MYO1D: variants seen among roughly 807,000 people sequenced by gnomAD.
MYO1D encodes myosin ID.
MYO1D carries 83 observed loss-of-function variants against 122.0 expected under a neutral mutation model. That is an observed-to-expected ratio of 0.68 (90% CI 0.57 to 0.82). The LOEUF (loss-of-function observed/expected upper bound fraction) is 0.82. Among genes scored for constraint, MYO1D ranks in the 40% least tolerant of loss-of-function variants. MYO1D has a pLI of 0.00. For missense variants in MYO1D, 1,157 were observed against 1,269.5 expected (o/e 0.91, Z 1.35); for synonymous variants, 464 against 446.9 (o/e 1.04, Z -0.48).
intron 16 of MYO1D, among the ~76,000 whole-genome samples, chr17:32,686,707 A>T (rs2089012710): frequency 6.6e-6 from 1 of 152,042 alleles, no homozygotes; most frequent in Non-Finnish European, 1.5e-5. Flanking sequence ...CTGTACAAAA[A>T]ATAAAAACAA....
chr17:32,514,239 C>CAAAAAAAAA (rs61570449), intron 21 of MYO1D, among the ~76,000 whole-genome samples: 2 of 60,284 alleles, frequency 3.3e-5, no homozygotes, highest in Non-Finnish European at 6.1e-5. Flanking sequence ...GACTTTGTCT[C>CAAAAAAAAA]AAAAAAAAAA....
intron 15 of MYO1D, among the ~76,000 whole-genome samples, chr17:32,713,213 GT>G (rs1037995446): frequency 7.2e-4 from 110 of 152,126 alleles, no homozygotes; most frequent in Non-Finnish European, 1.5e-3. Flanking sequence ...CATTTAGAGG[GT>G]TTTTTTGGTA....
At chr17:32,770,852 A>C (rs533170892) in intron 6 of MYO1D, among the ~76,000 whole-genome samples, 1 of 152,314 alleles carries the variant, frequency 6.6e-6, no homozygotes, top group East Asian at 1.9e-4. Context: ...TAAACGGAAT[A>C]GGGATAGGAT....
At chr17:32,850,222 C>G (rs1009635035) in intron 1 of MYO1D, among the ~76,000 whole-genome samples, 1 of 152,186 alleles carries the variant, frequency 6.6e-6, no homozygotes, top group Non-Finnish European at 1.5e-5. Flanking sequence ...AAACTGATGT[C>G]ACTCAAGACC....
chr17:32,740,410 C>T (rs1387049765), intron 13 of MYO1D, among the ~76,000 whole-genome samples: 1 of 152,138 alleles, frequency 6.6e-6, no homozygotes, highest in Non-Finnish European at 1.5e-5. Context: ...AGAATTGATA[C>T]AAAATGAATC....
intron 1 of MYO1D, among the ~76,000 whole-genome samples, chr17:32,871,176 C>T (rs1240012548): frequency 6.6e-6 from 1 of 152,136 alleles, no homozygotes; most frequent in Non-Finnish European, 1.5e-5. Flanking sequence ...GATAATATTG[C>T]ATGCATGTGA....
chr17:32,604,782 A>G (rs913866460), intron 21 of MYO1D, among the ~76,000 whole-genome samples: 1 of 152,258 alleles, frequency 6.6e-6, no homozygotes, highest in African/African-American at 2.4e-5. Context: ...CGAGAAGAAT[A>G]TAAAGTAATT....
chr17:32,561,688 C>CAA (rs60531756), intron 21 of MYO1D, among the ~76,000 whole-genome samples: 775 of 71,702 alleles, frequency 0.011, 10 homozygotes, highest in African/African-American at 0.04. Flanking sequence ...GGCTCTGTCT[C>CAA]AAAAAAAAAA....
intron 1 of MYO1D, among the ~76,000 whole-genome samples, chr17:32,851,970 C>T (rs2090993561): frequency 6.6e-6 from 1 of 152,172 alleles, no homozygotes; most frequent in African/African-American, 2.4e-5. Context: ...GCTGTTGTTT[C>T]CTTCTAGAAA....
intron 21 of MYO1D, chr17:32,602,794 A>G (rs1237715143): frequency 6.6e-6 from 1 of 152,248 alleles, no homozygotes; most frequent in African/African-American, 2.4e-5. Flanking sequence ...TTGGATTTCC[A>G]TAATTAACTC....
chr17:32,822,205 T>C (rs1299455371), intron 1 of MYO1D, among the ~76,000 whole-genome samples: 1 of 152,094 alleles, frequency 6.6e-6, no homozygotes, highest in East Asian at 1.9e-4. Flanking sequence ...TAAAAAAGGA[T>C]GAGTTCATGT....
intron 19 of MYO1D, among the ~76,000 whole-genome samples, chr17:32,652,320 T>C (rs1361470202): frequency 6.6e-6 from 1 of 152,186 alleles, no homozygotes; most frequent in Non-Finnish European, 1.5e-5. Flanking sequence ...AGTTGAAAAA[T>C]CATATTTCAT....
At chr17:32,829,123 A>G (rs1211178342) in intron 1 of MYO1D, among the ~76,000 whole-genome samples, 1 of 152,256 alleles carries the variant, frequency 6.6e-6, no homozygotes, top group Non-Finnish European at 1.5e-5. Flanking sequence ...TTTGCTTTTA[A>G]GATGAAATCT....
At chr17:32,725,347 C>T (rs984674690) in intron 14 of MYO1D, among the ~76,000 whole-genome samples, 3 of 151,920 alleles carry the variant, frequency 2.0e-5, no homozygotes, top group Non-Finnish European at 4.4e-5. Flanking sequence ...GGTGAAACCC[C>T]GTTTCTACTA....
intron 21 of MYO1D, among the ~76,000 whole-genome samples, chr17:32,578,695 C>T (rs1033266419): frequency 3.3e-5 from 5 of 152,198 alleles, no homozygotes; most frequent in Admixed American, 6.5e-5. Context: ...TCAAAGGTCA[C>T]CAAATCAAAG....
At chr17:32,798,948 G>A (rs2090439398) in intron 1 of MYO1D, among the ~76,000 whole-genome samples, 1 of 152,188 alleles carries the variant, frequency 6.6e-6, no homozygotes, top group Non-Finnish European at 1.5e-5. Context: ...AGGTAAGAGG[G>A]AACTGGAACT....
At chr17:32,743,410 C>T (rs2089794524) in intron 13 of MYO1D, among the ~76,000 whole-genome samples, 2 of 152,198 alleles carry the variant, frequency 1.3e-5, no homozygotes, top group South Asian at 2.1e-4. Flanking sequence ...TCTTAATTTC[C>T]CTGAACCAAT....
chr17:32,712,536 C>T (rs768229152), intron 15 of MYO1D, among the ~76,000 whole-genome samples: 1 of 152,076 alleles, frequency 6.6e-6, no homozygotes, highest in East Asian at 1.9e-4. Flanking sequence ...GGGTCCTGCT[C>T]GGCATTGCTC....
intron 21 of MYO1D, among the ~76,000 whole-genome samples, chr17:32,567,819 C>G (rs111697324): frequency 0.012 from 1,885 of 152,248 alleles, 43 homozygotes; most frequent in African/African-American, 0.043. Flanking sequence ...AGGCTGTGTC[C>G]GGGTAGTTCA....
Sources: gnomAD v4.1 joint callset for allele counts (sites outside exome capture counted in the v4.1 genomes callset) on GRCh38, gnomAD v4.1.1 for gene constraint, MANE v1.5 for transcripts, NCBI Gene and HGNC (gene_info 2026-07-23, HGNC 2026-07-21) for gene names.